TRDMT1: variants seen among roughly 807,000 people sequenced by gnomAD.
The protein encoded by TRDMT1 is tRNA aspartic acid methyltransferase 1, also known as tRNA (cytosine(38)-C(5))-methyltransferase.
In TRDMT1, 49 loss-of-function variants were observed where a neutral mutation model predicts 51.2. The observed-to-expected ratio is 0.96, with a 90% CI of 0.76 to 1.21. TRDMT1 has a LOEUF of 1.21. Ranked by LOEUF, TRDMT1 falls within the 50% of genes most tolerant of loss-of-function variation. The pLI, the probability that TRDMT1 is intolerant of heterozygous loss-of-function variation, is 0.00. For missense variants in TRDMT1, 534 were observed against 462.3 expected (o/e 1.16, Z -1.42); for synonymous variants, 187 against 164.6 (o/e 1.14, Z -1.04).
At chr10:17,173,521 A>G (rs983254414) in intron 2 of TRDMT1, among the ~76,000 whole-genome samples, 4 of 152,146 alleles carry the variant, frequency 2.6e-5, no homozygotes, top group Non-Finnish European at 5.9e-5. Context: ...AAGCAGATCC[A>G]TTGTCGCCTG....
intron 3 of TRDMT1, among the ~76,000 whole-genome samples, chr10:17,163,280 G>C (rs1167003406): frequency 3.3e-5 from 5 of 152,096 alleles, no homozygotes; most frequent in Admixed American, 3.3e-4. Flanking sequence ...GACTTGAATT[G>C]AGCCCGAGCA....
rs758336473 is a variant in TRDMT1 at position 17,140,037 on chromosome 10, CTTTTTTTTTTTT to C, written c.*8991_*9002del. On this transcript the variant is annotated 3_prime_UTR_variant, in exon 11 of 11. Transcript: ENST00000377799. Reference sequence around the variant, plus strand: ...TATTCTTCCAGTAACATCTAGTGTGCTTTTTTTTTTTTTTTTTTTTTTTTTTGAGACAGAGTC... The same window carrying C: ...TATTCTTCCAGTAACATCTAGTGTGCTTTTTTTTTTTTTTGAGACAGAGTC... Among the ~76,000 whole-genome samples, 10 of 21,920 alleles carry C rather than the reference CTTTTTTTTTTTT, an allele frequency of 4.6e-4. 1 individual carries two copies. The highest frequency in any genetic ancestry group is 1.3e-3 in the African/African-American group (7 of 5,356). The allele number at this position is 21,920 out of a possible 152,430, so 14.4% of individuals were successfully genotyped here.
At chr10:17,165,024 A>C (rs908687874) in intron 3 of TRDMT1, among the ~76,000 whole-genome samples, 9 of 152,214 alleles carry the variant, frequency 5.9e-5, no homozygotes, top group Non-Finnish European at 1.2e-4. Flanking sequence ...AACCAATTTA[A>C]AGTTCATATG....
At position 17,146,451 on chromosome 10, in the gene TRDMT1, C is replaced by T. The variant is rs45507399; in HGVS notation, c.*2589G>A. ...TCTGACCCCTCCTACAATGACTACCCACCTCTTCGAAATCATTTTCCAACT... is the reference window on the plus strand; with the variant it reads ...TCTGACCCCTCCTACAATGACTACCTACCTCTTCGAAATCATTTTCCAACT... On this transcript the variant is annotated 3_prime_UTR_variant, in exon 11 of 11. Transcript: ENST00000377799. The T allele has an allele frequency of 0.024, 23,447 of 985,424 alleles. 318 individuals are homozygous for T. Among genetic ancestry groups the T allele is most frequent in the Middle Eastern group, 0.028 (54 of 1,914 alleles). The allele number at this position is 985,424 out of a possible 1,614,324, so 61.0% of individuals were successfully genotyped here.
intron 8 of TRDMT1, 51 bp downstream of exon 8, chr10:17,157,390 T>TA (rs763755842): frequency 4.1e-6 from 6 of 1,455,626 alleles, no homozygotes; most frequent in Admixed American, 4.8e-5. Context: ...ACAATAGCTT[T>TA]AAAAAACCTG....
chr10:17,179,874 G>A (rs1375793420), intron 1 of TRDMT1, among the ~76,000 whole-genome samples: 4 of 151,936 alleles, frequency 2.6e-5, no homozygotes, highest in Non-Finnish European at 4.4e-5. Flanking sequence ...GAGAGAAATC[G>A]GAGGTATTGG....
chr10:17,148,713 A>G lies in TRDMT1; in HGVS notation c.*327T>C, dbSNP rs892884829. The G allele has an allele frequency of 4.0e-6, 4 of 993,874 alleles. No individual in the cohort carries two copies. The highest frequency in any genetic ancestry group is 3.5e-5 in the African/African-American group (2 of 57,620). 61.6% of individuals were successfully genotyped at this position (993,874 alleles called of 1,614,324 possible). ...GTTATGCCTGTTATGACACTTCACA[A>G]GATACTCATGTAGACACTAAAGCTC... On this transcript the variant is annotated 3_prime_UTR_variant, in exon 11 of 11. Coordinates refer to ENST00000377799, the MANE Select transcript of TRDMT1 (RefSeq NM_004412.7).
intron 1 of TRDMT1, among the ~76,000 whole-genome samples, chr10:17,179,243 C>A (rs561758840): frequency 2.6e-5 from 4 of 152,220 alleles, no homozygotes; most frequent in African/African-American, 9.6e-5. Context: ...GCTTCTCCAG[C>A]CCCTCAACCC....
intron 10 of TRDMT1, among the ~76,000 whole-genome samples, chr10:17,149,431 A>T (rs1838409541): frequency 1.3e-5 from 2 of 152,240 alleles, no homozygotes; most frequent in East Asian, 1.9e-4. Context: ...TGCACTTTTT[A>T]AAAAAGCTGT....
In TRDMT1 at chr10:17,137,400, C is replaced by G. The variant is rs1837445140; in HGVS notation, c.*11640G>C. 1 of 152,154 alleles carries G rather than the reference C, an allele frequency of 6.6e-6. No individual in the cohort carries two copies. Among genetic ancestry groups the G allele is most frequent in the Non-Finnish European group, 1.5e-5 (1 of 68,046 alleles). 9.4% of individuals were successfully genotyped at this position (152,154 alleles called of 1,614,324 possible). A position where few individuals can be genotyped will look rare whatever the true frequency, so the allele number is the denominator to read the frequency against. ...TACAATAAAGTCGTAATGTACAAAT[C>G]TGGAGAGCCAGAGTTAGGCAACATT... On this transcript the variant is annotated 3_prime_UTR_variant, in exon 11 of 11. Transcript: ENST00000377799.
rs1007179487 is a variant in TRDMT1, at chr10:17,141,336, G to T, written c.*7704C>A. ...ACCACCATGCCCGGCTAATTTTTTT[G>T]ATTTTAGTAGAGACGGGGTTTCACC... is the stretch of plus-strand genomic sequence containing the variant. On this transcript the variant is annotated 3_prime_UTR_variant, in exon 11 of 11. Transcript: ENST00000377799. Among the ~76,000 whole-genome samples, 1 of 151,794 alleles carries T rather than the reference G, an allele frequency of 6.6e-6. No individual in the cohort carries two copies. Among genetic ancestry groups the T allele is most frequent in the Admixed American group, 6.6e-5 (1 of 15,238 alleles).
intron 1 of TRDMT1, among the ~76,000 whole-genome samples, chr10:17,191,620 G>A (rs1448564633): frequency 6.6e-6 from 1 of 152,170 alleles, no homozygotes; most frequent in Non-Finnish European, 1.5e-5. Context: ...GCTGTCAGGG[G>A]AGGGCTGTAT....
At chr10:17,188,881 G>T (rs1844308534) in intron 1 of TRDMT1, among the ~76,000 whole-genome samples, 1 of 152,082 alleles carries the variant, frequency 6.6e-6, no homozygotes, top group South Asian at 2.1e-4. Flanking sequence ...TTTTCAAAAG[G>T]CTTGTTTACA....
At chr10:17,162,040 G>T in intron 4 of TRDMT1, 126 bp downstream of exon 4, 1 of 798,008 alleles carries the variant, frequency 1.3e-6, no homozygotes, top group Non-Finnish European at 2.1e-6. Context: ...GAAGATAAAT[G>T]ACAGGCCCAA....
At chr10:17,197,929 G>A (rs1408383783) in intron 1 of TRDMT1, among the ~76,000 whole-genome samples, 2 of 152,078 alleles carry the variant, frequency 1.3e-5, no homozygotes, top group Admixed American at 6.6e-5. Flanking sequence ...AGCTGCTCGG[G>A]AGGCTGAGGC....
intron 8 of TRDMT1, among the ~76,000 whole-genome samples, chr10:17,156,834 A>C (rs1255245052): frequency 1.3e-5 from 2 of 152,198 alleles, no homozygotes; most frequent in Non-Finnish European, 2.9e-5. Context: ...ACACTTTCAG[A>C]TACAATACCT....
chr10:17,184,502 T>C (rs185489339), intron 1 of TRDMT1, among the ~76,000 whole-genome samples: 6 of 151,988 alleles, frequency 3.9e-5, no homozygotes, highest in African/African-American at 1.4e-4. Context: ...GAAAATCCTC[T>C]CTAAATTTGT....
intron 3 of TRDMT1, among the ~76,000 whole-genome samples, chr10:17,162,787 G>GA (rs1840590926): frequency 6.6e-6 from 1 of 151,848 alleles, no homozygotes; most frequent in African/African-American, 2.4e-5. Context: ...AGGTTTAAAA[G>GA]AAAAAAATCC....
chr10:17,171,111 A>ATGTGTGTGTGTGTG (rs66891484), intron 2 of TRDMT1, among the ~76,000 whole-genome samples: 1,523 of 142,896 alleles, frequency 0.011, 8 homozygotes, highest in Non-Finnish European at 0.017. Context: ...CTGGATTTAG[A>ATGTGTGTGTGTGTG]TGTGTGTGTG....
Sources: gnomAD v4.1 joint callset for allele counts (sites outside exome capture counted in the v4.1 genomes callset) on GRCh38, gnomAD v4.1.1 for gene constraint, MANE v1.5 for transcripts, NCBI Gene and HGNC (gene_info 2026-07-23, HGNC 2026-07-21) for gene names.